Variants in KIF1B observed in about 807,000 individuals in gnomAD.
KIF1B encodes kinesin-like protein KIF1B.
KIF1B carries 76 observed loss-of-function variants against 241.9 expected under a neutral mutation model. The observed-to-expected ratio is 0.31, with a 90% CI of 0.26 to 0.38. The LOEUF is 0.38. Ranked by LOEUF, KIF1B falls within the 10% of genes least tolerant of loss-of-function variation. The probability of loss-of-function intolerance (pLI) is 1.00; values close to 1 mark genes in which losing one functional copy is unlikely to be tolerated. For missense variants in KIF1B, 1,622 were observed against 2,271.4 expected, an observed-to-expected ratio of 0.71 and a Z score of 5.81; for synonymous variants, 750 against 796.7, an observed-to-expected ratio of 0.94 and a Z score of 0.99.
rs765823745 is a variant in KIF1B at position 10,337,375 on chromosome 1, G to C, written c.3264G>C (p.Leu1088Phe). Residue 1088 changes from leucine (L) to phenylalanine (F), a missense_variant, in exon 31 of 49, where the codon TTG (leucine) becomes TTC (phenylalanine). By Grantham distance (22) the Leu-to-Phe change is conservative. Coordinates refer to ENST00000676179, the MANE Select transcript of KIF1B (RefSeq NM_001365951.3). The surrounding 1 kb of genome is among the most constrained non-coding windows in gnomAD (Gnocchi z 4.0). ...EEISRINDLD[L>F]KSSTLLDGKM... ...TCTTCATTTGACCCTCTTTAGATTT[G>C]AAGTCAAGCACTTTGCTGGATGGTA... The C allele has an allele frequency of 6.2e-7, 1 of 1,614,038 alleles. No individual in the cohort carries two copies. The highest frequency in any genetic ancestry group is 8.5e-7 in the Non-Finnish European group (1 of 1,180,032).
At chr1:10,334,136 C>T (rs555797609) in intron 27 of KIF1B, among the ~76,000 whole-genome samples, 14 of 121,042 alleles carry the variant, frequency 1.2e-4, no homozygotes, top group Admixed American at 3.1e-4. Flanking sequence ...GGCGACAGAG[C>T]GAGACTCTGT....
At chr1:10,261,090 C>T (rs1204499335) in intron 4 of KIF1B, among the ~76,000 whole-genome samples, 1 of 151,526 alleles carries the variant, frequency 6.6e-6, no homozygotes, top group African/African-American at 2.4e-5. Flanking sequence ...CCTTAGCCTC[C>T]TGAGTAGCTG....
intron 22 of KIF1B, among the ~76,000 whole-genome samples, chr1:10,316,379 G>T (rs80314023): frequency 6.6e-6 from 1 of 151,752 alleles, no homozygotes; most frequent in Admixed American, 6.5e-5. Context: ...CCAGCTCTCT[G>T]CATTGTAAAT....
chr1:10,361,400 A>G (rs984660461), intron 39 of KIF1B, among the ~76,000 whole-genome samples: 2 of 152,184 alleles, frequency 1.3e-5, no homozygotes, highest in African/African-American at 4.8e-5. Context: ...TGTCGGTTCA[A>G]ATCCCTGTGC....
intron 45 of KIF1B, among the ~76,000 whole-genome samples, chr1:10,373,327 C>T (rs919267783): frequency 2.0e-5 from 3 of 148,464 alleles, no homozygotes; most frequent in Admixed American, 6.8e-5. Context: ...CTCTGCCTCC[C>T]GGGTTCAAGT....
In KIF1B at chr1:10,339,841, C is replaced by T. The variant is rs1385825592; in HGVS notation, c.3495C>T (p.Ala1165=). ...ACAATGGCAGAGGAAGTCCCCTGGCCTTTTATCATGTGCAGAATGTAAGTG... is the reference window on the plus strand; with the variant it reads ...ACAATGGCAGAGGAAGTCCCCTGGCTTTTTATCATGTGCAGAATGTAAGTG... The part of the protein sequence containing the change: ...LKNNGRGSPL[A]FYHVQNIAVE... Residue 1165 remains alanine (A), a synonymous_variant, in exon 32 of 49, where the codon GCC becomes GCT. Transcript: ENST00000676179. 2 of 1,613,824 alleles carry T rather than the reference C, an allele frequency of 1.2e-6. No homozygotes were observed. Among genetic ancestry groups the T allele is most frequent in the African/African-American group, 2.7e-5 (2 of 74,878 alleles).
At chr1:10,371,025 A>G in intron 44 of KIF1B, 116 bp from the exon 45 acceptor site, 1 of 1,228,788 alleles carries the variant, frequency 8.1e-7, no homozygotes, top group Non-Finnish European at 1.2e-6. Context: ...TTCTTAAATG[A>G]CCTTCTGAAA....
At chr1:10,245,834 G>A (rs1469739797) in intron 2 of KIF1B, among the ~76,000 whole-genome samples, 1 of 152,128 alleles carries the variant, frequency 6.6e-6, no homozygotes, top group Non-Finnish European at 1.5e-5. Flanking sequence ...GGAATATAAC[G>A]TGACTGACTA....
chr1:10,269,251 A>G (rs1360237412), intron 7 of KIF1B, among the ~76,000 whole-genome samples: 1 of 152,212 alleles, frequency 6.6e-6, no homozygotes, highest in African/African-American at 2.4e-5. Flanking sequence ...ATGGTGGCTC[A>G]CACCTGTAAT....
intron 44 of KIF1B, among the ~76,000 whole-genome samples, chr1:10,370,767 C>T (rs758628212): frequency 5.3e-5 from 8 of 151,696 alleles, no homozygotes; most frequent in Admixed American, 3.3e-4. Context: ...GCACTTAGGC[C>T]GTAAAATATT....
chr1:10,302,789 T>C (rs765211243), intron 22 of KIF1B, among the ~76,000 whole-genome samples: 2 of 152,230 alleles, frequency 1.3e-5, no homozygotes, highest in Non-Finnish European at 2.9e-5. Context: ...TTTCTTCGAA[T>C]AGTGAGGTCG....
Position 10,365,236 on chromosome 1 carries a change from C to T in KIF1B, c.4503C>T (p.Leu1501=), listed in dbSNP as rs750889152. ...AGTGGGAGCTGGAGAAGCTGGAGCT[C>T]CTACATGAGGTATCCAGGGGCAGGG... The part of the protein sequence containing the change: ...EHQWELEKLE[L]LHEVEKTRHF... Residue 1501 remains leucine (L), a synonymous_variant, in exon 42 of 49, where the codon CTC becomes CTT. Coordinates refer to ENST00000676179, the MANE Select transcript of KIF1B (RefSeq NM_001365951.3). The surrounding 1 kb of genome is among the most constrained non-coding windows in gnomAD (Gnocchi z 4.0). 1.2e-6 allele frequency: 2 copies of T among 1,613,992 alleles called. No individual in the cohort carries two copies. Among genetic ancestry groups the T allele is most frequent in the Non-Finnish European group, 1.7e-6 (2 of 1,179,984 alleles).
At chr1:10,370,287 G>A (rs902761733) in intron 44 of KIF1B, among the ~76,000 whole-genome samples, 21 of 151,952 alleles carry the variant, frequency 1.4e-4, no homozygotes, top group Non-Finnish European at 1.5e-5. Flanking sequence ...AGAGGCCAGT[G>A]ACAGTGGCTC....
chr1:10,333,040 G>T lies in KIF1B; in HGVS notation c.2925-1480G>T, dbSNP rs550927338. Among the ~76,000 whole-genome samples the T allele has an allele frequency of 5.4e-5, 8 of 148,096 alleles. No individual in the cohort carries two copies. In the East Asian group the frequency reaches 1.7e-3, roughly 31 times the overall value. On this transcript the variant is annotated intron_variant, in intron 27 of 48. Transcript: ENST00000676179. ...TTGGCCAGGCTGGTCTCGAACTCCT[G>T]GCCTCAGGTGATCCGCCTACCTCAG...
chr1:10,378,593 C>T lies in KIF1B; in HGVS notation c.*2006C>T. On this transcript the variant is annotated 3_prime_UTR_variant, in exon 49 of 49. Transcript: ENST00000676179. Reference sequence around the variant, plus strand: ...GTCCTCGGCCTTGAGGTTGCTGACTCTCAGGCGTTAGGCAGCTGGATGACT... The same window carrying T: ...GTCCTCGGCCTTGAGGTTGCTGACTTTCAGGCGTTAGGCAGCTGGATGACT... 1 of 603,038 alleles carries T rather than the reference C, an allele frequency of 1.7e-6. No homozygotes were observed. The highest frequency in any genetic ancestry group is 3.0e-6 in the Non-Finnish European group (1 of 336,376). 37.4% of individuals were successfully genotyped at this position (603,038 alleles called of 1,614,324 possible). A position where few individuals can be genotyped will look rare whatever the true frequency, so the allele number is the denominator to read the frequency against.
chr1:10,379,487 A>C lies in KIF1B; in HGVS notation c.*2900A>C, dbSNP rs916228052. ...GGGTGGGTGCTCCCTTGCCCGACAG[A>C]ACCATCCCCACTGTGAGGCTGTGAG... On this transcript the variant is annotated 3_prime_UTR_variant, in exon 49 of 49. Coordinates refer to ENST00000676179, the MANE Select transcript of KIF1B (RefSeq NM_001365951.3). The C allele has an allele frequency of 9.1e-5, 21 of 231,912 alleles. No homozygotes were observed. The highest frequency in any genetic ancestry group is 1.7e-4 in the Non-Finnish European group (20 of 117,116). 14.4% of individuals were successfully genotyped at this position (231,912 alleles called of 1,614,324 possible).
intron 22 of KIF1B, among the ~76,000 whole-genome samples, chr1:10,309,278 A>G (rs1170714636): frequency 1.3e-5 from 2 of 152,246 alleles, no homozygotes; most frequent in Admixed American, 1.3e-4. Context: ...GTCTGCTTCC[A>G]GCCTCATACC....
intron 2 of KIF1B, among the ~76,000 whole-genome samples, chr1:10,236,929 G>T (rs1282061841): frequency 6.6e-6 from 1 of 151,940 alleles, no homozygotes; most frequent in Non-Finnish European, 1.5e-5. Flanking sequence ...ACATGTGTTA[G>T]CTGCATTAAA....
intron 15 of KIF1B, among the ~76,000 whole-genome samples, chr1:10,290,050 A>C (rs1316512010): frequency 6.6e-6 from 1 of 152,100 alleles, no homozygotes; most frequent in East Asian, 1.9e-4. Context: ...TGAATGAATA[A>C]ATCATCACTT....
Sources: gnomAD v4.1 joint callset for allele counts (sites outside exome capture counted in the v4.1 genomes callset) on GRCh38, gnomAD v4.1.1 for gene constraint, Gnocchi (gnomAD v3.1) non-coding constraint, MANE v1.5 for transcripts, NCBI Gene and HGNC (gene_info 2026-07-23, HGNC 2026-07-21) for gene names.